XYLT2: variants seen among roughly 807,000 people sequenced by gnomAD.
XYLT2 encodes the protein xylosyltransferase 2.
XYLT2 carries 37 observed loss-of-function variants against 82.6 expected under a neutral mutation model. That is an observed-to-expected ratio of 0.45 (90% CI 0.34 to 0.59). XYLT2 has a LOEUF of 0.59. Ranked by LOEUF, XYLT2 falls within the 20% of genes least tolerant of loss-of-function variation. The pLI is 0.01. For missense variants in XYLT2, 934 were observed against 1,181.3 expected (o/e 0.79, Z 3.07); for synonymous variants, 474 against 499.0 (o/e 0.95, Z 0.67).
chr17:50,348,557 G>A (rs1199003610), intron 1 of XYLT2, among the ~76,000 whole-genome samples: 1 of 152,202 alleles, frequency 6.6e-6, no homozygotes, highest in East Asian at 1.9e-4. Context: ...TCTATGGAGA[G>A]GCTGAGAGTG....
At chr17:50,356,427 C>A in intron 7 of XYLT2, 84 bp from the exon 8 acceptor site, 1 of 1,572,664 alleles carries the variant, frequency 6.4e-7, no homozygotes. Context: ...GGAGGCTGAG[C>A]TCTAGGCAGT....
At position 50,361,183 on chromosome 17, in the gene XYLT2, C is replaced by T; in HGVS notation, c.*892C>T. 5 of 979,742 alleles carry T rather than the reference C, an allele frequency of 5.1e-6. No individual in the cohort carries two copies. Among genetic ancestry groups the T allele is most frequent in the Non-Finnish European group, 6.1e-6 (5 of 824,276 alleles). 60.7% of individuals were successfully genotyped at this position (979,742 alleles called of 1,614,324 possible). On this transcript the variant is annotated 3_prime_UTR_variant, in exon 11 of 11. Transcript: ENST00000017003. ...GCTCTGTGTTTTTCCTCCTGGGTGT[C>T]AGGAAGCCATCACCATTCATTGGGC... is the stretch of plus-strand genomic sequence containing the variant.
chr17:50,347,045 C>T lies in XYLT2; in HGVS notation c.135+770C>T, dbSNP rs544722614. 1.2e-5 allele frequency: 7 copies of T among 588,102 alleles called. No individual in the cohort carries two copies. The African/African-American group carries it at 1.4e-4, about 12-fold the overall frequency. 36.4% of individuals were successfully genotyped at this position (588,102 alleles called of 1,614,324 possible). ...GAGCAGGGGCAACCAACAGCCGTCT[C>T]AGCCCCCAAGTCCCTGCCTCGAGGG... is the stretch of plus-strand genomic sequence containing the variant. On this transcript the variant is annotated intron_variant, in intron 1 of 10. Coordinates refer to ENST00000017003, the MANE Select transcript of XYLT2 (RefSeq NM_022167.4).
chr17:50,357,081 C>T lies in XYLT2; in HGVS notation c.1770C>T (p.Ser590=), dbSNP rs759514280. 1.2e-6 allele frequency: 2 copies of T among 1,610,424 alleles called. No individual in the cohort carries two copies. Among genetic ancestry groups the T allele is most frequent in the Non-Finnish European group, 1.7e-6 (2 of 1,178,108 alleles). Residue 590 remains serine, a synonymous_variant, in exon 9 of 11, where the codon TCC becomes TCT. Coordinates refer to ENST00000017003, the MANE Select transcript of XYLT2 (RefSeq NM_022167.4). ...LCRFEPRGLP[S]SVHLYFYDDH... Reference sequence around the variant, plus strand: ...GGTTTGAGCCCAGGGGCTTGCCGTCCAGCGTGCACCTGTATTTCTATGACG... The same window carrying T: ...GGTTTGAGCCCAGGGGCTTGCCGTCTAGCGTGCACCTGTATTTCTATGACG...
At chr17:50,348,495 G>GGGTTTAA in intron 1 of XYLT2, among the ~76,000 whole-genome samples, 1 of 152,186 alleles carries the variant, frequency 6.6e-6, no homozygotes, top group African/African-American at 2.4e-5. Context: ...AGCACTGAAG[G>GGGTTTAA]GGTTTAAGCA....
At chr17:50,353,494 T>C in intron 1 of XYLT2, 136 bp from the exon 2 acceptor site, 2 of 1,356,672 alleles carry the variant, frequency 1.5e-6, no homozygotes, top group Non-Finnish European at 2.0e-6. Flanking sequence ...GCGGAGTCCT[T>C]AGGTGAAAAG....
In XYLT2 at chr17:50,346,252, C is replaced by A. The variant is rs1423032692; in HGVS notation, c.112C>A (p.Leu38Met). 2.5e-6 allele frequency: 3 copies of A among 1,202,850 alleles called. No homozygotes were observed. The highest frequency in any genetic ancestry group is 3.2e-6 in the Non-Finnish European group (3 of 946,104). 74.5% of individuals were successfully genotyped at this position (1,202,850 alleles called of 1,614,324 possible). A position where few individuals can be genotyped will look rare whatever the true frequency, so the allele number is the denominator to read the frequency against. ...CCTGGTAGTGTGGAGCTTCAGCGGC[C>A]TGGAGGAGGACGAGGCGGGCGAGGT... is the stretch of plus-strand genomic sequence containing the variant. The part of the protein sequence containing the change: ...QGLVVWSFSG[L>M]EEDEAGEKGR... Residue 38 changes from leucine to methionine, a missense_variant, in exon 1 of 11, where the codon CTG becomes ATG. Leu to Met is a conservative substitution (Grantham distance 15). This residue lies in a region of XYLT2 where 371 missense variants were observed against 394.9 expected (regional missense o/e 0.94). Coordinates refer to ENST00000017003, the MANE Select transcript of XYLT2 (RefSeq NM_022167.4). The surrounding 1 kb of genome is among the most constrained non-coding windows in gnomAD (Gnocchi z 5.1).
rs1912792363 is a variant in XYLT2, at chr17:50,361,126, A to G, written c.*835A>G. The G allele has an allele frequency of 1.0e-6, 1 of 985,934 alleles. No homozygotes were observed. The highest frequency in any genetic ancestry group is 1.2e-6 in the Non-Finnish European group (1 of 829,944). The allele number at this position is 985,934 out of a possible 1,614,324, so 61.1% of individuals were successfully genotyped here. ...CAGCGTGAAGTCTGAAATATGCAAC[A>G]GAAGAAATATATCTCTATCTCTCTA... On this transcript the variant is annotated 3_prime_UTR_variant, in exon 11 of 11. Transcript: ENST00000017003.
chr17:50,355,147 C>T lies in XYLT2; in HGVS notation c.1007+91C>T. The T allele has an allele frequency of 3.7e-6, 5 of 1,366,880 alleles. No individual in the cohort carries two copies. The South Asian group carries it at 7.0e-5, about 19-fold the overall frequency. The allele number at this position is 1,366,880 out of a possible 1,614,324, so 84.7% of individuals were successfully genotyped here. On this transcript the variant is annotated intron_variant, in intron 4 of 10. Coordinates refer to ENST00000017003, the MANE Select transcript of XYLT2 (RefSeq NM_022167.4). Reference sequence around the variant, plus strand: ...AGGGCTTTGGTGGACCTTCTCTGCCCCATAAGCGTAACTCTGGGATCCGCC... The same window carrying T: ...AGGGCTTTGGTGGACCTTCTCTGCCTCATAAGCGTAACTCTGGGATCCGCC...
intron 1 of XYLT2, among the ~76,000 whole-genome samples, chr17:50,347,975 T>G (rs7223449): frequency 0.053 from 8,130 of 152,252 alleles, 757 homozygotes; most frequent in African/African-American, 0.19. Flanking sequence ...ACCTCCCGTG[T>G]TAGGTGATTA....
intron 4 of XYLT2, 94 bp downstream of exon 4, chr17:50,355,150 T>C: frequency 7.5e-7 from 1 of 1,337,286 alleles, no homozygotes; most frequent in Non-Finnish European, 1.0e-6. Context: ...CTCTGCCCCA[T>C]AAGCGTAACT....
intron 4 of XYLT2, 21 bp downstream of exon 4, chr17:50,355,077 G>A (rs768108110): frequency 3.9e-6 from 6 of 1,522,704 alleles, no homozygotes; most frequent in Admixed American, 2.2e-5. Flanking sequence ...GGGGCTCTGA[G>A]TCCTCTGCAT....
chr17:50,346,602 G>T lies in XYLT2; in HGVS notation c.135+327G>T. 6.1e-6 allele frequency: 6 copies of T among 985,002 alleles called. No homozygotes were observed. Among genetic ancestry groups the T allele is most frequent in the Non-Finnish European group, 7.2e-6 (6 of 829,542 alleles). The allele number at this position is 985,002 out of a possible 1,614,324, so 61.0% of individuals were successfully genotyped here. A position where few individuals can be genotyped will look rare whatever the true frequency, so the allele number is the denominator to read the frequency against. ...GCGGCGAGCGGGGCTGGGAGGCGGG[G>T]CTGGGCCCGAACCTGCTCGGAGGTG... On this transcript the variant is annotated intron_variant, in intron 1 of 10. Coordinates refer to ENST00000017003, the MANE Select transcript of XYLT2 (RefSeq NM_022167.4). This position sits in a 1 kb window ranked among gnomAD's most constrained non-coding sequence, Gnocchi z 5.1.
In XYLT2 at chr17:50,358,195, C is replaced by G; in HGVS notation, c.1942-12C>G. 6.4e-7 allele frequency: 1 copy of G among 1,570,590 alleles called. No individual in the cohort carries two copies. On this transcript the variant is annotated splice_polypyrimidine_tract_variant and intron_variant, in intron 9 of 10. Transcript: ENST00000017003. ...CCCCCACACTCCTGCCCAGCTGCCTCTCTCTCTACAGGTTGGCACTGATTG... is the reference window on the plus strand; with the variant it reads ...CCCCCACACTCCTGCCCAGCTGCCTGTCTCTCTACAGGTTGGCACTGATTG...
chr17:50,358,112 G>A, intron 9 of XYLT2, 95 bp from the exon 10 acceptor site: 1 of 1,181,730 alleles, frequency 8.5e-7, no homozygotes, highest in Non-Finnish European at 1.2e-6. Flanking sequence ...GAAAGAGACA[G>A]TGACTGGCCT....
chr17:50,355,687 G>A (rs1053083355), intron 5 of XYLT2, 94 bp from the exon 6 acceptor site: 1 of 1,584,526 alleles, frequency 6.3e-7, no homozygotes, highest in African/African-American at 1.3e-5. Context: ...CTCCACACCA[G>A]TCACAGGTTG....
At chr17:50,358,114 G>A in intron 9 of XYLT2, 93 bp from the exon 10 acceptor site, 1 of 1,194,280 alleles carries the variant, frequency 8.4e-7, no homozygotes, top group Non-Finnish European at 1.2e-6. Context: ...AAGAGACAGT[G>A]ACTGGCCTGA....
At chr17:50,357,395 G>A in intron 9 of XYLT2, 143 bp downstream of exon 9, 2 of 793,088 alleles carry the variant, frequency 2.5e-6, no homozygotes, top group Non-Finnish European at 3.9e-6. Context: ...CAGACATCCT[G>A]TGTCACCCCC....
In XYLT2 at chr17:50,358,389, G is replaced by A. The variant is rs181056096; in HGVS notation, c.2124G>A (p.Glu708=). 1 of 1,614,150 alleles carries A rather than the reference G, an allele frequency of 6.2e-7. No individual in the cohort carries two copies. The highest frequency in any genetic ancestry group is 2.2e-5 in the East Asian group (1 of 44,886). Residue 708 remains glutamate (E), a synonymous_variant, in exon 10 of 11, where the codon GAG becomes GAA. Coordinates refer to ENST00000017003, the MANE Select transcript of XYLT2 (RefSeq NM_022167.4). ...ATSYDITVDT[E]TEVTQYKPPL... is the part of the protein sequence containing the mutation. ...CTTATGACATCACAGTAGATACGGA[G>A]ACTGAGGTCACGCAATACAAGCCCC...
Sources: allele counts gnomAD v4.1 joint callset (sites outside exome capture counted in the v4.1 genomes callset), GRCh38; gene constraint gnomAD v4.1.1; regional missense constraint gnomAD v4.1.1; non-coding constraint Gnocchi (gnomAD v3.1); transcripts MANE v1.5; gene names NCBI Gene and HGNC (gene_info 2026-07-23, HGNC 2026-07-21).